Variants in AGBL4 observed in about 807,000 individuals in gnomAD.
The protein encoded by AGBL4 is cytosolic carboxypeptidase 6.
In AGBL4, 58 loss-of-function variants were observed where a neutral mutation model predicts 66.4. The ratio of observed to expected loss-of-function variants is 0.87; its 90% confidence interval spans 0.71 to 1.09. The LOEUF is 1.09. Among genes scored for constraint, AGBL4 ranks in the 50% least tolerant of loss-of-function variants. The probability of loss-of-function intolerance (pLI) is 0.00; values close to 1 mark genes in which losing one functional copy is unlikely to be tolerated. For synonymous variants in AGBL4, 234 were observed against 222.9 expected, an observed-to-expected ratio of 1.05 and a Z score of -0.44; for missense variants, 579 against 631.0, an observed-to-expected ratio of 0.92 and a Z score of 0.88.
rs79958611 is a variant in AGBL4, at chr1:48,586,776, G to A, written c.1267+228C>T. On this transcript the variant is annotated intron_variant, in intron 11 of 13. Coordinates refer to ENST00000371839, the MANE Select transcript of AGBL4 (RefSeq NM_032785.4). ...TAAGATATGGGCAGGCCATGGGTCC[G>A]GCTGGCCTGGGAAAGATTTGGAGCA... 1,985 of 522,536 alleles carry A rather than the reference G, an allele frequency of 3.8e-3. 32 individuals carry two copies. The highest frequency in any genetic ancestry group is 0.036 in the African/African-American group (1,838 of 51,750). The allele number at this position is 522,536 out of a possible 1,614,324, so 32.4% of individuals were successfully genotyped here.
chr1:49,237,665 G>A (rs1450976936), intron 4 of AGBL4, among the ~76,000 whole-genome samples: 4 of 150,524 alleles, frequency 2.7e-5, no homozygotes, highest in Admixed American at 6.6e-5. Context: ...ACCTTTCCAC[G>A]TGTAATTCTG....
intron 6 of AGBL4, among the ~76,000 whole-genome samples, chr1:48,852,015 CTTTTT>C (rs138826187): frequency 1.9e-4 from 14 of 71,930 alleles, no homozygotes; most frequent in African/African-American, 5.5e-4. Flanking sequence ...CAGATACGTA[CTTTTT>C]TTTTTTTTTT....
At chr1:48,920,115 G>T (rs774337895) in intron 5 of AGBL4, among the ~76,000 whole-genome samples, 31 of 152,212 alleles carry the variant, frequency 2.0e-4, no homozygotes, top group Non-Finnish European at 4.4e-4. Context: ...GAATACCATT[G>T]TTCTGTCACC....
At chr1:48,825,078 G>A (rs1035773786) in intron 6 of AGBL4, among the ~76,000 whole-genome samples, 1 of 152,178 alleles carries the variant, frequency 6.6e-6, no homozygotes, top group Middle Eastern at 3.2e-3. Flanking sequence ...GGCTCTTTAT[G>A]ACTCTAAAAT....
chr1:49,971,834 T>A (rs1216585105), intron 1 of AGBL4, among the ~76,000 whole-genome samples: 1 of 149,154 alleles, frequency 6.7e-6, no homozygotes, highest in African/African-American at 2.4e-5. Flanking sequence ...ATTCACTTCA[T>A]CTCATCTTAC....
chr1:48,535,996 CA>C (rs1643964849), intron 12 of AGBL4, among the ~76,000 whole-genome samples: 1 of 151,974 alleles, frequency 6.6e-6, no homozygotes, highest in South Asian at 2.1e-4. Flanking sequence ...CTGAAGCTAC[CA>C]GAGAAGCCAG....
At chr1:48,590,370 C>T (rs1382178533) in intron 10 of AGBL4, among the ~76,000 whole-genome samples, 1 of 149,124 alleles carries the variant, frequency 6.7e-6, no homozygotes, top group Non-Finnish European at 1.5e-5. Context: ...CATGCCATTG[C>T]ACTCCAGCCT....
chr1:49,772,578 G>T (rs1384424969), intron 2 of AGBL4, among the ~76,000 whole-genome samples: 1 of 152,084 alleles, frequency 6.6e-6, no homozygotes, highest in African/African-American at 2.4e-5. Flanking sequence ...GTTGTTACTT[G>T]TCTGGGAAGG....
At chr1:49,548,923 G>A (rs1441677115) in intron 3 of AGBL4, among the ~76,000 whole-genome samples, 1 of 152,022 alleles carries the variant, frequency 6.6e-6, no homozygotes, top group Non-Finnish European at 1.5e-5. Flanking sequence ...TTTTTTGTTA[G>A]TAATTTTTTA....
intron 6 of AGBL4, among the ~76,000 whole-genome samples, chr1:48,783,606 C>CTGG (rs2148721248): frequency 6.6e-6 from 1 of 152,250 alleles, no homozygotes; most frequent in Admixed American, 6.5e-5. Context: ...CCTCCATGAG[C>CTGG]CTCAGCTTTC....
At chr1:49,425,755 G>A (rs983274021) in intron 3 of AGBL4, among the ~76,000 whole-genome samples, 1 of 152,174 alleles carries the variant, frequency 6.6e-6, no homozygotes, top group Admixed American at 6.5e-5. Flanking sequence ...GAGACCAGGG[G>A]TGAGGGGGTG....
At chr1:48,605,868 C>G (rs1446474518) in intron 9 of AGBL4, among the ~76,000 whole-genome samples, 1 of 152,180 alleles carries the variant, frequency 6.6e-6, no homozygotes, top group Admixed American at 6.5e-5. Context: ...CTTCCCTATT[C>G]TCTGGGTTCT....
chr1:49,840,446 A>C (rs538170868), intron 2 of AGBL4, among the ~76,000 whole-genome samples: 1 of 152,158 alleles, frequency 6.6e-6, no homozygotes, highest in Non-Finnish European at 1.5e-5. Context: ...GTATAGATTT[A>C]ATAACTAGTA....
At chr1:49,030,291 G>A (rs1664099112) in intron 5 of AGBL4, among the ~76,000 whole-genome samples, 1 of 152,084 alleles carries the variant, frequency 6.6e-6, no homozygotes, top group South Asian at 2.1e-4. Flanking sequence ...CGATTTCTCT[G>A]TCTCTGCTCT....
chr1:49,701,629 T>C (rs1403005314), intron 2 of AGBL4, among the ~76,000 whole-genome samples: 2 of 151,586 alleles, frequency 1.3e-5, no homozygotes, highest in African/African-American at 2.4e-5. Context: ...AAGATAATAA[T>C]AAAGACAAGA....
intron 3 of AGBL4, among the ~76,000 whole-genome samples, chr1:49,323,660 C>T (rs1221161568): frequency 6.6e-6 from 1 of 151,278 alleles, no homozygotes. Flanking sequence ...GTGGCGGGTG[C>T]CGGTAGACTG....
intron 6 of AGBL4, among the ~76,000 whole-genome samples, chr1:48,811,688 T>G (rs760562138): frequency 1.7e-5 from 1 of 58,872 alleles, no homozygotes; most frequent in Non-Finnish European, 4.3e-5. Context: ...GTCTTCTTGA[T>G]TCTACTCTGT....
intron 11 of AGBL4, among the ~76,000 whole-genome samples, chr1:48,552,933 G>C (rs114820294): frequency 0.029 from 4,385 of 151,962 alleles, 164 homozygotes; most frequent in Admixed American, 0.11. Context: ...AGGGAAGAGT[G>C]TCCTCCCTCC....
rs554404217 is a variant in AGBL4 at position 49,513,264 on chromosome 1, T to TA, written c.282+184048dup. 3.4e-3 allele frequency among the ~76,000 whole-genome samples: 517 copies of TA among 152,174 alleles called. 2 individuals are homozygous for TA. Among genetic ancestry groups the TA allele is most frequent in the African/African-American group, 0.012 (483 of 41,554 alleles). ...CAAATTAATAATGTTTTGCTGTGGC[T>TA]ATTTCTTTTTAAAATTTCCAACTTT... On this transcript the variant is annotated intron_variant, in intron 3 of 13. Coordinates refer to ENST00000371839, the MANE Select transcript of AGBL4 (RefSeq NM_032785.4).
Sources: gnomAD v4.1 joint callset for allele counts (sites outside exome capture counted in the v4.1 genomes callset) on GRCh38, gnomAD v4.1.1 for gene constraint, MANE v1.5 for transcripts, NCBI Gene and HGNC (gene_info 2026-07-23, HGNC 2026-07-21) for gene names.